CDC42BPA: variants seen among roughly 807,000 people sequenced by gnomAD.
CDC42BPA encodes the protein CDC42 binding protein kinase alpha.
CDC42BPA carries 80 observed loss-of-function variants against 223.5 expected under a neutral mutation model. The observed-to-expected ratio is 0.36, with a 90% CI of 0.30 to 0.43. The LOEUF is 0.43. Ranked by LOEUF, CDC42BPA falls within the 20% of genes least tolerant of loss-of-function variation. The probability of loss-of-function intolerance (pLI) is 1.00; values close to 1 mark genes in which losing one functional copy is unlikely to be tolerated. For missense variants in CDC42BPA, 1,743 were observed against 2,099.9 expected (o/e 0.83, Z 3.32); for synonymous variants, 694 against 718.6 (o/e 0.97, Z 0.55).
chr1:227,045,476 C>T (rs1400619750), intron 23 of CDC42BPA, among the ~76,000 whole-genome samples: 3 of 152,138 alleles, frequency 2.0e-5, no homozygotes, highest in African/African-American at 7.2e-5. Context: ...CTAGTAGGCA[C>T]TGATGGAACT....
intron 2 of CDC42BPA, among the ~76,000 whole-genome samples, chr1:227,244,148 A>AC (rs766951559): frequency 9.9e-5 from 15 of 152,168 alleles, no homozygotes; most frequent in Admixed American, 2.6e-4. Context: ...AAATAAGCCT[A>AC]CCCTGTGACC....
chr1:227,293,587 A>T (rs942635376), intron 1 of CDC42BPA, among the ~76,000 whole-genome samples: 9 of 148,620 alleles, frequency 6.1e-5, no homozygotes, highest in African/African-American at 2.2e-4. Context: ...CACTTTGGGG[A>T]GGCCTAGGTG....
intron 1 of CDC42BPA, among the ~76,000 whole-genome samples, chr1:227,302,014 T>C (rs923215951): frequency 2.0e-5 from 3 of 152,210 alleles, no homozygotes; most frequent in Non-Finnish European, 2.9e-5. Context: ...TGTTCATCCA[T>C]ATCAGATACT....
chr1:227,280,250 G>A lies in CDC42BPA; in HGVS notation c.179-26095C>T, dbSNP rs191684214. ...AAGACGGATAAGAATTTTGCCACTG[G>A]TTTGTAAGCTAGTGAAATAAAATAC... On this transcript the variant is annotated intron_variant, in intron 1 of 36. Transcript: ENST00000366766. Among the ~76,000 whole-genome samples the A allele has an allele frequency of 7.2e-5, 11 of 152,256 alleles. No individual in the cohort carries two copies. The East Asian group carries it at 2.1e-3, about 29-fold the overall frequency.
chr1:227,089,480 A>C (rs1682641436), intron 16 of CDC42BPA, among the ~76,000 whole-genome samples: 1 of 152,224 alleles, frequency 6.6e-6, no homozygotes, highest in Non-Finnish European at 1.5e-5. Flanking sequence ...AAATGGAAAT[A>C]GAGATTCCAG....
At chr1:227,084,569 T>C (rs182717603) in intron 16 of CDC42BPA, among the ~76,000 whole-genome samples, 1 of 152,160 alleles carries the variant, frequency 6.6e-6, no homozygotes, top group Admixed American at 6.5e-5. Context: ...AAAAAATATT[T>C]GCATACTACT....
intron 2 of CDC42BPA, among the ~76,000 whole-genome samples, chr1:227,215,758 TTAAC>T (rs72017334): frequency 0.15 from 23,457 of 152,050 alleles, 2,217 homozygotes; most frequent in African/African-American, 0.25. Flanking sequence ...TTTCTTCAGT[TTAAC>T]TACCAAAATA....
intron 21 of CDC42BPA, among the ~76,000 whole-genome samples, chr1:227,052,188 G>C (rs963571594): frequency 6.6e-6 from 1 of 152,128 alleles, no homozygotes; most frequent in Non-Finnish European, 1.5e-5. Context: ...AGGATTGACA[G>C]AATAGTTAAC....
chr1:227,178,410 G>A (rs1034616458), intron 5 of CDC42BPA: 1 of 153,110 alleles, frequency 6.5e-6, no homozygotes, highest in Admixed American at 6.5e-5. Context: ...CCATGATTGT[G>A]AGGCTTCTCC....
intron 15 of CDC42BPA, among the ~76,000 whole-genome samples, chr1:227,095,655 G>A (rs921655567): frequency 2.0e-5 from 3 of 148,130 alleles, no homozygotes; most frequent in East Asian, 2.0e-4. Flanking sequence ...GCAGTGGTGC[G>A]ATCTCAGCTC....
intron 10 of CDC42BPA, among the ~76,000 whole-genome samples, chr1:227,133,197 C>G (rs1331919276): frequency 1.3e-5 from 2 of 149,536 alleles, no homozygotes; most frequent in African/African-American, 4.9e-5. Context: ...CCGGCTGCCC[C>G]GTCTGGGAGG....
intron 1 of CDC42BPA, among the ~76,000 whole-genome samples, chr1:227,302,296 C>T (rs1201454892): frequency 6.6e-6 from 1 of 152,164 alleles, no homozygotes. Flanking sequence ...TGGGAAGCTC[C>T]TTATCCTAAG....
chr1:227,264,703 G>A, intron 1 of CDC42BPA: 2 of 672,212 alleles, frequency 3.0e-6, no homozygotes, highest in Non-Finnish European at 5.3e-6. Flanking sequence ...GCTTTAACAT[G>A]AGAAATAAAA....
At chr1:227,204,646 T>C (rs1672350187) in intron 3 of CDC42BPA, among the ~76,000 whole-genome samples, 1 of 152,156 alleles carries the variant, frequency 6.6e-6, no homozygotes, top group Admixed American at 6.5e-5. Context: ...CCAATATCTC[T>C]AACAGCATTT....
intron 1 of CDC42BPA, among the ~76,000 whole-genome samples, chr1:227,307,145 C>T (rs1692697050): frequency 6.6e-6 from 1 of 152,094 alleles, no homozygotes; most frequent in South Asian, 2.1e-4. Context: ...CTTTGCAAAC[C>T]AAGAAGTGCA....
chr1:227,275,835 C>A (rs912315078), intron 1 of CDC42BPA, among the ~76,000 whole-genome samples: 1 of 152,224 alleles, frequency 6.6e-6, no homozygotes. Context: ...AGCTCCTAAC[C>A]GCGAGTGATC....
At position 226,994,502 on chromosome 1, in the gene CDC42BPA, C is replaced by T; in HGVS notation, c.5134-103G>A. The T allele has an allele frequency of 2.2e-6, 3 of 1,340,406 alleles. No homozygotes were observed. The highest frequency in any genetic ancestry group is 3.0e-6 in the Non-Finnish European group (3 of 1,008,156). 83.0% of individuals were successfully genotyped at this position (1,340,406 alleles called of 1,614,324 possible). On this transcript the variant is annotated intron_variant, in intron 36 of 36. Coordinates refer to ENST00000366766, the MANE Select transcript of CDC42BPA (RefSeq NM_001394014.1). The surrounding 1 kb of genome is among the most constrained non-coding windows in gnomAD (Gnocchi z 4.0). ...CCCTCCAGCCACCCTGACCAAATAA[C>T]CCCATGGGGCGGCCTCACTGTCGGT...
intron 2 of CDC42BPA, among the ~76,000 whole-genome samples, chr1:227,236,062 T>C (rs1678958850): frequency 6.6e-6 from 1 of 152,202 alleles, no homozygotes; most frequent in African/African-American, 2.4e-5. Flanking sequence ...GTAGCATAAT[T>C]CTTTTAATAG....
In CDC42BPA at chr1:226,994,688, G is replaced by T; in HGVS notation, c.5133+135C>A. 1 of 936,414 alleles carries T rather than the reference G, an allele frequency of 1.1e-6. No homozygotes were observed. The highest frequency in any genetic ancestry group is 1.6e-6 in the Non-Finnish European group (1 of 626,898). The allele number at this position is 936,414 out of a possible 1,614,324, so 58.0% of individuals were successfully genotyped here. On this transcript the variant is annotated intron_variant, in intron 36 of 36. Transcript: ENST00000366766. This position sits in a 1 kb window ranked among gnomAD's most constrained non-coding sequence, Gnocchi z 4.0. ...GCCCGAGTGACTGGCCTAGCTGCCC[G>T]CTGGCCAAGAGTGAATGCTGGCCCC... is the stretch of plus-strand genomic sequence containing the variant.
Sources: gnomAD v4.1 joint callset for allele counts (sites outside exome capture counted in the v4.1 genomes callset) on GRCh38, gnomAD v4.1.1 for gene constraint, Gnocchi (gnomAD v3.1) non-coding constraint, MANE v1.5 for transcripts, NCBI Gene and HGNC (gene_info 2026-07-23, HGNC 2026-07-21) for gene names.